The following GRSF1 variants were observed in gnomAD, a reference collection of about 807,000 sequenced individuals.
GRSF1 encodes G-rich sequence factor 1.
Under a neutral mutation model 51.1 loss-of-function variants are expected in GRSF1, and 50 were observed. The observed-to-expected ratio is 0.98, with a 90% confidence interval of 0.78 to 1.24. GRSF1 has a LOEUF of 1.24. Among genes scored for constraint, GRSF1 ranks in the 50% most tolerant of loss-of-function variants. The pLI is 0.00. For synonymous variants in GRSF1, 293 were observed against 253.3 expected, an observed-to-expected ratio of 1.16 and a Z score of -1.49; for missense variants, 700 against 639.7, an observed-to-expected ratio of 1.09 and a Z score of -1.02.
chr4:70,841,868 T>C (rs1344991134), upstream of GRSF1, among the ~76,000 whole-genome samples: 2 of 152,210 alleles, frequency 1.3e-5, no homozygotes, highest in South Asian at 2.1e-4. Context: ...GTATTGTCAT[T>C]TTTATACAAA....
intron 7 of GRSF1, 36 bp downstream of exon 7, chr4:70,826,088 A>C: frequency 1.3e-6 from 2 of 1,567,940 alleles, no homozygotes; most frequent in Non-Finnish European, 1.7e-6. Context: ...ACTTTTGTTC[A>C]AATCTATTGA....
At chr4:70,841,195 A>T (rs1734448856), upstream of GRSF1, among the ~76,000 whole-genome samples, 1 of 152,138 alleles carries the variant, frequency 6.6e-6, no homozygotes, top group Admixed American at 6.5e-5. Context: ...TGGGAGGCCG[A>T]TTGCTTCAGC....
At chr4:70,834,936 T>G (rs913876272) in intron 2 of GRSF1, among the ~76,000 whole-genome samples, 1 of 152,066 alleles carries the variant, frequency 6.6e-6, no homozygotes, top group East Asian at 1.9e-4. Context: ...ATAGGTATTT[T>G]TTAATCTTCT....
intron 6 of GRSF1, 150 bp downstream of exon 6, chr4:70,827,702 C>A: frequency 3.3e-6 from 2 of 613,888 alleles, no homozygotes; most frequent in South Asian, 2.0e-5. Context: ...TCACTTGAAC[C>A]CAGGAGGTAG....
intron 2 of GRSF1, among the ~76,000 whole-genome samples, chr4:70,835,131 T>G (rs1256264059): frequency 6.6e-6 from 1 of 151,884 alleles, no homozygotes; most frequent in Non-Finnish European, 1.5e-5. Context: ...ATCTCACTCT[T>G]TGTTATGGCT....
In GRSF1 at chr4:70,834,326, A is replaced by G. The variant is rs899196053; in HGVS notation, c.515-1053T>C. 2.6e-5 allele frequency among the ~76,000 whole-genome samples: 4 copies of G among 152,162 alleles called. No individual in the cohort carries two copies. The South Asian group carries it at 8.3e-4, about 31-fold the overall frequency. ...AAAAAAAAAAATCCCACAGATATGT[A>G]AACCCTCCAAACATGTTATTAAGGG... On this transcript the variant is annotated intron_variant, in intron 2 of 9. Coordinates refer to ENST00000254799, the MANE Select transcript of GRSF1 (RefSeq NM_002092.4).
intron 3 of GRSF1, 50 bp from the exon 4 acceptor site, chr4:70,832,500 C>G (rs771864167): frequency 1.8e-6 from 2 of 1,128,620 alleles, no homozygotes; most frequent in Non-Finnish European, 2.6e-6. Context: ...AACAAAGGAA[C>G]AAACCCATTA....
At chr4:70,839,005 C>G (rs1734342754) in intron 1 of GRSF1, 1 of 524,960 alleles carries the variant, frequency 1.9e-6, no homozygotes, top group Non-Finnish European at 3.0e-6. Flanking sequence ...TGTGTGCGCG[C>G]ACCTTCCCAG....
At position 70,824,379 on chromosome 4, in the gene GRSF1, TGAGA is replaced by T; in HGVS notation, c.1394-15_1394-12del. The T allele has an allele frequency of 7.2e-7, 1 of 1,384,146 alleles. No individual in the cohort carries two copies. The highest frequency in any genetic ancestry group is 1.0e-6 in the Non-Finnish European group (1 of 986,932). The allele number at this position is 1,384,146 out of a possible 1,614,324, so 85.7% of individuals were successfully genotyped here. Reference sequence around the variant, plus strand: ...CAATATACCTATGATCTGAGGATAATGAGAAAGATTAGTTTTAAAAAGTTGAAAA... The same window carrying T: ...CAATATACCTATGATCTGAGGATAATAAGATTAGTTTTAAAAAGTTGAAAA... On this transcript the variant is annotated splice_polypyrimidine_tract_variant and intron_variant, in intron 8 of 9. Coordinates refer to ENST00000254799, the MANE Select transcript of GRSF1 (RefSeq NM_002092.4).
chr4:70,823,028 C>A (rs1347963264), intron 9 of GRSF1, among the ~76,000 whole-genome samples: 1 of 151,968 alleles, frequency 6.6e-6, no homozygotes, highest in Non-Finnish European at 1.5e-5. Flanking sequence ...ACCCAGGAGG[C>A]GGAGTTTGCA....
chr4:70,839,858 C>G lies in GRSF1; in HGVS notation c.-31G>C, dbSNP rs759350349. 2.1e-6 allele frequency: 3 copies of G among 1,453,042 alleles called. No homozygotes were observed. In the South Asian group the frequency reaches 4.1e-5, roughly 20 times the overall value. 90.0% of individuals were successfully genotyped at this position (1,453,042 alleles called of 1,614,324 possible). Reference sequence around the variant, plus strand: ...CCGGAGGCGGCGCAGGGCCTGAAGGCAGCTGCTCCAGCAGCGATGGTGGAA... The same window carrying G: ...CCGGAGGCGGCGCAGGGCCTGAAGGGAGCTGCTCCAGCAGCGATGGTGGAA... On this transcript the variant is annotated 5_prime_UTR_variant, in exon 1 of 10. Coordinates refer to ENST00000254799, the MANE Select transcript of GRSF1 (RefSeq NM_002092.4).
intron 9 of GRSF1, among the ~76,000 whole-genome samples, chr4:70,821,534 G>A (rs1733502326): frequency 6.6e-6 from 1 of 151,526 alleles, no homozygotes; most frequent in Non-Finnish European, 1.5e-5. Context: ...TGAACCCGGG[G>A]GGCGGAGGTT....
intron 5 of GRSF1, among the ~76,000 whole-genome samples, chr4:70,829,934 A>G (rs891009286): frequency 6.6e-6 from 1 of 152,224 alleles, no homozygotes; most frequent in African/African-American, 2.4e-5. Context: ...AAAATTAACG[A>G]AACAGTGATT....
chr4:70,825,928 T>TAA (rs1192395236), intron 7 of GRSF1, 196 bp downstream of exon 7: 2 of 511,716 alleles, frequency 3.9e-6, no homozygotes, highest in African/African-American at 4.2e-5. Context: ...CGAGACTCTG[T>TAA]CACAAAAAAA....
At chr4:70,835,976 T>C (rs1734191022) in intron 2 of GRSF1, among the ~76,000 whole-genome samples, 182 bp downstream of exon 2, 1 of 152,162 alleles carries the variant, frequency 6.6e-6, no homozygotes, top group African/African-American at 2.4e-5. Context: ...ATTTGGTATA[T>C]GCAACCAACC....
intron 9 of GRSF1, among the ~76,000 whole-genome samples, chr4:70,821,290 T>C (rs911943722): frequency 3.9e-5 from 6 of 152,144 alleles, no homozygotes; most frequent in Non-Finnish European, 8.8e-5. Context: ...CCGGGTGTGG[T>C]GGCGCATGCC....
chr4:70,822,652 GA>G (rs1179648575), intron 9 of GRSF1, among the ~76,000 whole-genome samples: 9 of 151,156 alleles, frequency 6.0e-5, no homozygotes, highest in Admixed American at 5.9e-4. Flanking sequence ...TTTAAGTGGG[GA>G]AAAAAAGCTA....
intron 7 of GRSF1, 102 bp from the exon 8 acceptor site, chr4:70,825,533 T>C (rs1042369129): frequency 1.8e-5 from 14 of 767,032 alleles, no homozygotes; most frequent in Non-Finnish European, 2.8e-5. Context: ...ATTCATACAC[T>C]TGATACATTT....
At chr4:70,831,191 A>G (rs1479963756) in intron 5 of GRSF1, among the ~76,000 whole-genome samples, 1 of 151,920 alleles carries the variant, frequency 6.6e-6, no homozygotes, top group Non-Finnish European at 1.5e-5. Flanking sequence ...CCCCGTCTCT[A>G]CTAAAAATAC....
Sources: allele counts gnomAD v4.1 joint callset (sites outside exome capture counted in the v4.1 genomes callset), GRCh38; gene constraint gnomAD v4.1.1; transcripts MANE v1.5; gene names NCBI Gene and HGNC (gene_info 2026-07-23, HGNC 2026-07-21).